The following PPM1L variants were observed in gnomAD, a reference collection of about 807,000 sequenced individuals.
The protein encoded by PPM1L is protein phosphatase, Mg2+/Mn2+ dependent 1L, also known as protein phosphatase 1L.
A neutral mutation model predicts 31.4 loss-of-function variants in PPM1L; 13 were observed. The observed-to-expected ratio is 0.41, with a 90% CI of 0.27 to 0.66. The LOEUF is 0.66. Among genes scored for constraint, PPM1L ranks in the 30% least tolerant of loss-of-function variants. The pLI, the probability that PPM1L is intolerant of heterozygous loss-of-function variation, is 0.29. For missense variants in PPM1L, 326 were observed against 453.7 expected, an observed-to-expected ratio of 0.72 and a Z score of 2.56; for synonymous variants, 184 against 175.4, an observed-to-expected ratio of 1.05 and a Z score of -0.39.
intron 2 of PPM1L, among the ~76,000 whole-genome samples, chr3:160,968,439 A>C (rs1716222714): frequency 1.3e-5 from 2 of 152,218 alleles, no homozygotes; most frequent in Non-Finnish European, 2.9e-5. Context: ...AGCATCATCA[A>C]CCTAAATATT....
chr3:160,964,807 G>C lies in PPM1L; in HGVS notation c.574+2897G>C, dbSNP rs375526123. Reference sequence around the variant, plus strand: ...GCTATGTGTATGCATGAGTGAATGAGTGTTGCTGTGTGTTGCAAAACCAAA... The same window carrying C: ...GCTATGTGTATGCATGAGTGAATGACTGTTGCTGTGTGTTGCAAAACCAAA... On this transcript the variant is annotated intron_variant, in intron 2 of 3. Coordinates refer to ENST00000498165, the MANE Select transcript of PPM1L (RefSeq NM_139245.4). Among the ~76,000 whole-genome samples, 12 of 152,082 alleles carry C rather than the reference G, an allele frequency of 7.9e-5. No homozygotes were observed. In the South Asian group the frequency reaches 2.5e-3, roughly 32 times the overall value.
At chr3:160,978,858 A>C (rs988134019) in intron 2 of PPM1L, among the ~76,000 whole-genome samples, 4 of 151,820 alleles carry the variant, frequency 2.6e-5, no homozygotes, top group Non-Finnish European at 5.9e-5. Flanking sequence ...AGAGAGAAAG[A>C]GAGAGAGAAA....
chr3:160,854,941 G>C (rs557054367), intron 1 of PPM1L, among the ~76,000 whole-genome samples: 2 of 131,102 alleles, frequency 1.5e-5, no homozygotes, highest in South Asian at 4.8e-4. Flanking sequence ...AAAAAACAAA[G>C]TCACAGGCAT....
Position 161,041,575 on chromosome 3 carries a change from C to T in PPM1L, c.575-23828C>T, listed in dbSNP as rs548220806. On this transcript the variant is annotated intron_variant, in intron 2 of 3. Transcript: ENST00000498165. Reference sequence around the variant, plus strand: ...ACCATCCTGGCTAACACAGTGAAACCCCATCTCTACTAAAAATACAAAAAA... The same window carrying T: ...ACCATCCTGGCTAACACAGTGAAACTCCATCTCTACTAAAAATACAAAAAA... Among the ~76,000 whole-genome samples the T allele has an allele frequency of 2.6e-4, 40 of 152,196 alleles. No homozygotes were observed. The South Asian group carries it at 2.9e-3, about 11-fold the overall frequency.
At chr3:160,963,742 A>G (rs1461741706) in intron 2 of PPM1L, among the ~76,000 whole-genome samples, 5 of 151,972 alleles carry the variant, frequency 3.3e-5, no homozygotes, top group African/African-American at 1.2e-4. Flanking sequence ...CCACCACTCA[A>G]TTTTTTCCTG....
intron 2 of PPM1L, among the ~76,000 whole-genome samples, chr3:161,042,742 C>T (rs982637229): frequency 6.6e-6 from 1 of 152,010 alleles, no homozygotes; most frequent in East Asian, 1.9e-4. Context: ...TTTTTTTGGC[C>T]AGGCACCGTG....
intron 2 of PPM1L, among the ~76,000 whole-genome samples, chr3:161,059,016 G>C (rs1241158025): frequency 6.6e-6 from 1 of 152,106 alleles, no homozygotes; most frequent in African/African-American, 2.4e-5. Context: ...TAAATCAGAG[G>C]GGAGAATGTT....
At chr3:160,784,997 C>T (rs1711861730) in intron 1 of PPM1L, among the ~76,000 whole-genome samples, 1 of 152,200 alleles carries the variant, frequency 6.6e-6, no homozygotes, top group South Asian at 2.1e-4. Flanking sequence ...CTGAGGGTGA[C>T]TGGAAACTTT....
chr3:161,059,447 A>G (rs888788563), intron 2 of PPM1L, among the ~76,000 whole-genome samples: 1 of 152,150 alleles, frequency 6.6e-6, no homozygotes, highest in Non-Finnish European at 1.5e-5. Flanking sequence ...TAGCTGGACA[A>G]TGGTGTTGTC....
intron 1 of PPM1L, among the ~76,000 whole-genome samples, chr3:160,824,735 A>G (rs898468162): frequency 1.3e-5 from 2 of 152,174 alleles, no homozygotes; most frequent in African/African-American, 4.8e-5. Flanking sequence ...TACTATATGT[A>G]TAGATTTATG....
chr3:160,888,839 A>G (rs971708777), intron 1 of PPM1L, among the ~76,000 whole-genome samples: 2 of 152,220 alleles, frequency 1.3e-5, no homozygotes, highest in East Asian at 1.9e-4. Context: ...GTGCAGTTAC[A>G]TGGAAATTGA....
chr3:160,836,920 C>G (rs756083733), intron 1 of PPM1L, among the ~76,000 whole-genome samples: 7 of 152,172 alleles, frequency 4.6e-5, no homozygotes, highest in Non-Finnish European at 7.4e-5. Flanking sequence ...GAGACATTAG[C>G]TCCACTGGAG....
intron 2 of PPM1L, among the ~76,000 whole-genome samples, chr3:160,967,880 G>A (rs1716206117): frequency 6.6e-6 from 1 of 151,970 alleles, no homozygotes; most frequent in South Asian, 2.1e-4. Context: ...GCATGAACAG[G>A]ACCTCATAGA....
At chr3:160,919,220 G>C (rs1349945708) in intron 1 of PPM1L, among the ~76,000 whole-genome samples, 1 of 152,222 alleles carries the variant, frequency 6.6e-6, no homozygotes, top group Non-Finnish European at 1.5e-5. Flanking sequence ...TCAGGAGGCT[G>C]ACTGCTCTAC....
At chr3:160,923,918 G>A (rs1714502608) in intron 1 of PPM1L, among the ~76,000 whole-genome samples, 1 of 152,176 alleles carries the variant, frequency 6.6e-6, no homozygotes, top group Non-Finnish European at 1.5e-5. Flanking sequence ...CTCAGGGGAA[G>A]CAGATGGAAT....
chr3:160,932,409 CTATAGTCT>C (rs143477672), intron 1 of PPM1L, among the ~76,000 whole-genome samples: 80 of 152,258 alleles, frequency 5.3e-4, no homozygotes, highest in South Asian at 1.7e-3. Context: ...ATTTTGTCAC[CTATAGTCT>C]TATTTGGGTA....
Position 160,794,445 on chromosome 3 carries a change from G to A in PPM1L, c.399+37738G>A, listed in dbSNP as rs567110161. 3.9e-5 allele frequency among the ~76,000 whole-genome samples: 6 copies of A among 152,208 alleles called. No individual in the cohort carries two copies. In the South Asian group the frequency reaches 1.2e-3, roughly 32 times the overall value. Reference sequence around the variant, plus strand: ...CATACGCAAATAACATGAAATTTTAGGCAAGAATATTCACCGAAAAGCATT... The same window carrying A: ...CATACGCAAATAACATGAAATTTTAAGCAAGAATATTCACCGAAAAGCATT... On this transcript the variant is annotated intron_variant, in intron 1 of 3. Coordinates refer to ENST00000498165, the MANE Select transcript of PPM1L (RefSeq NM_139245.4).
chr3:161,067,221 C>T (rs1719766706), intron 3 of PPM1L, among the ~76,000 whole-genome samples: 1 of 152,188 alleles, frequency 6.6e-6, no homozygotes, highest in African/African-American at 2.4e-5. Flanking sequence ...TCCTCTTCTT[C>T]CCTGTCATAC....
chr3:161,037,971 C>T (rs1011374812), intron 2 of PPM1L, among the ~76,000 whole-genome samples: 4 of 151,946 alleles, frequency 2.6e-5, no homozygotes, highest in African/African-American at 7.2e-5. Flanking sequence ...CGGTGGCTCA[C>T]GCCTGTAATC....
Sources: gnomAD v4.1 joint callset for allele counts (sites outside exome capture counted in the v4.1 genomes callset) on GRCh38, gnomAD v4.1.1 for gene constraint, MANE v1.5 for transcripts, NCBI Gene and HGNC (gene_info 2026-07-23, HGNC 2026-07-21) for gene names.